Variants in EIF5 observed in about 807,000 individuals in gnomAD.
EIF5 encodes the protein eukaryotic translation initiation factor 5.
A neutral mutation model predicts 48.3 loss-of-function variants in EIF5; 10 were observed. The ratio of observed to expected loss-of-function variants is 0.21; its 90% CI spans 0.13 to 0.35. The LOEUF is 0.35. Among genes scored for constraint, EIF5 ranks in the 10% least tolerant of loss-of-function variants. The pLI is 1.00. For synonymous variants in EIF5, 237 were observed against 173.1 expected (o/e 1.37, Z -2.90); for missense variants, 397 against 533.2 (o/e 0.74, Z 2.51).
rs781423418 is a variant in EIF5, at chr14:103,335,855, G to A, written c.-6G>A. The stretch of plus-strand genomic sequence containing the variant: ...ATCTTATTGATAAAGCCACTAATAA[G>A]CCAAAATGTCTGTCAATGTCAACCG... On this transcript the variant is annotated 5_prime_UTR_variant, in exon 3 of 12. Transcript: ENST00000216554. 2 of 1,613,306 alleles carry A rather than the reference G, an allele frequency of 1.2e-6. No homozygotes were observed. The highest frequency in any genetic ancestry group is 1.7e-6 in the Non-Finnish European group (2 of 1,179,570).
In EIF5 at chr14:103,341,861, TTAA is replaced by T. The variant is rs1428020589; in HGVS notation, c.*813_*815del. On this transcript the variant is annotated 3_prime_UTR_variant, in exon 12 of 12. Coordinates refer to ENST00000216554, the MANE Select transcript of EIF5 (RefSeq NM_001969.5). Reference sequence around the variant, plus strand: ...TGAGAGAACTTGCTTTGGGGTGCAATTAATAAACTGATTTTATTTGGGAGAAAC... The same window carrying T: ...TGAGAGAACTTGCTTTGGGGTGCAATTAAACTGATTTTATTTGGGAGAAAC... 1 of 139,472 alleles carries T rather than the reference TTAA, an allele frequency of 7.2e-6. No individual in the cohort carries two copies. The highest frequency in any genetic ancestry group is 1.5e-5 in the Non-Finnish European group (1 of 64,760). 8.6% of individuals were successfully genotyped at this position (139,472 alleles called of 1,614,324 possible). A position where few individuals can be genotyped will look rare whatever the true frequency, so the allele number is the denominator to read the frequency against.
intron 10 of EIF5, 97 bp downstream of exon 10, chr14:103,339,900 C>T: frequency 7.3e-7 from 1 of 1,378,930 alleles, no homozygotes; most frequent in Non-Finnish European, 9.7e-7. Context: ...ATTCTGTTGT[C>T]CAGGCAGGAG....
At chr14:103,336,221 C>A (rs2089283889) in intron 4 of EIF5, 104 bp downstream of exon 4, 2 of 1,166,540 alleles carry the variant, frequency 1.7e-6, no homozygotes, top group Admixed American at 2.5e-5. Flanking sequence ...AATTACCTTA[C>A]AAGTTAAGTG....
intron 8 of EIF5, 98 bp from the exon 9 acceptor site, chr14:103,339,074 G>A (rs1168495353): frequency 2.0e-6 from 3 of 1,500,256 alleles, no homozygotes; most frequent in African/African-American, 2.8e-5. Context: ...GCCAAATTAG[G>A]CAGGAAAAAT....
At position 103,341,977 on chromosome 14, in the gene EIF5, A is replaced by C. The variant is rs1304900236; in HGVS notation, c.*925A>C. ...AAATTACAATTCCAAAATGTTAGAC[A>C]TACTGTATTTTTTCGTTCAGTGTGG... On this transcript the variant is annotated 3_prime_UTR_variant, in exon 12 of 12. Transcript: ENST00000216554. 6.6e-6 allele frequency: 1 copy of C among 152,596 alleles called. No homozygotes were observed. The highest frequency in any genetic ancestry group is 1.5e-5 in the Non-Finnish European group (1 of 68,032). 9.5% of individuals were successfully genotyped at this position (152,596 alleles called of 1,614,324 possible).
intron 6 of EIF5, chr14:103,338,113 T>C: frequency 1.4e-6 from 1 of 708,944 alleles, no homozygotes; most frequent in South Asian, 1.7e-5. Context: ...ATACCCCTAA[T>C]ATTTTGTGTC....
At position 103,339,674 on chromosome 14, in the gene EIF5, T is replaced by C. The variant is rs377276266; in HGVS notation, c.942T>C (p.Leu314=). 7.8e-5 allele frequency: 126 copies of C among 1,614,088 alleles called. No homozygotes were observed. Among genetic ancestry groups the C allele is most frequent in the African/African-American group, 9.3e-5 (7 of 74,928 alleles). Reference sequence around the variant, plus strand: ...ACAACAAAAAAGCCCAACGGTACCTTCTTCATGGTTTGGAGTGTGTGGTAG... The same window carrying C: ...ACAACAAAAAAGCCCAACGGTACCTCCTTCATGGTTTGGAGTGTGTGGTAG... ...CHNNKKAQRY[L]LHGLECVVAM... is the part of the protein sequence containing the mutation. The change falls in exon 10 of 12, where the codon CTT becomes CTC. Residue 314 remains leucine, a synonymous_variant. Transcript: ENST00000216554.
rs752020951 is a variant in EIF5, at chr14:103,339,712, C to T, written c.980C>T (p.Ala327Val). ...GAGTGTGTGGTAGCAATGCATCAAG[C>T]TCAGCTTATCTCCAAGATTCCACAT... Reference protein sequence around the residue: ...GLECVVAMHQAQLISKIPHIL... With the variant: ...GLECVVAMHQVQLISKIPHIL... Residue 327 changes from alanine (A) to valine (V), a missense_variant, in exon 10 of 12, where the codon GCT (alanine) becomes GTT (valine). Physicochemically the swap from Ala to Val is moderately conservative, Grantham distance 64. Around this residue, in one of 4 missense-constraint regions of EIF5, gnomAD observed 160 missense variants for 184.8 expected, o/e 0.87. Coordinates refer to ENST00000216554, the MANE Select transcript of EIF5 (RefSeq NM_001969.5). The T allele has an allele frequency of 1.2e-6, 2 of 1,614,218 alleles. No homozygotes were observed. Among genetic ancestry groups the T allele is most frequent in the Non-Finnish European group, 1.7e-6 (2 of 1,180,040 alleles).
intron 5 of EIF5, 91 bp from the exon 6 acceptor site, chr14:103,337,025 C>G (rs757135944): frequency 2.4e-4 from 323 of 1,372,308 alleles, no homozygotes; most frequent in Non-Finnish European, 2.7e-4. Context: ...AAAAAGTTTT[C>G]TTTGCATGTG....
intron 2 of EIF5, chr14:103,335,257 C>T (rs1012441940): frequency 1.3e-5 from 2 of 154,068 alleles, no homozygotes; most frequent in Non-Finnish European, 1.4e-5. Context: ...AAAATGAAGA[C>T]GAACGGGGGT....
At chr14:103,337,999 G>T in intron 6 of EIF5, 1 of 557,712 alleles carries the variant, frequency 1.8e-6, no homozygotes. Context: ...CTAAAGCTGG[G>T]TTGAGTTAAT....
At position 103,339,157 on chromosome 14, in the gene EIF5, T is replaced by A. The variant is rs759198737; in HGVS notation, c.745-15T>A. ...GTGCCTCCATTGCACTGAATTGTTT[T>A]CCTTTTCTTTGCAGAAAAAGAAAGA... On this transcript the variant is annotated splice_polypyrimidine_tract_variant and intron_variant, in intron 8 of 11. Transcript: ENST00000216554. The A allele has an allele frequency of 6.2e-7, 1 of 1,600,264 alleles. No individual in the cohort carries two copies. Among genetic ancestry groups the A allele is most frequent in the African/African-American group, 1.4e-5 (1 of 73,756 alleles).
Position 103,339,780 on chromosome 14 carries a change from G to A in EIF5, c.1048G>A (p.Val350Ile), listed in dbSNP as rs566823311. 186 of 1,614,180 alleles carry A rather than the reference G, an allele frequency of 1.2e-4. 1 individual carries two copies. In the South Asian group the frequency reaches 1.9e-3, roughly 16 times the overall value. The change falls in exon 10 of 12, where the codon GTC becomes ATC. Residue 350 changes from valine (V) to isoleucine (I), a missense_variant. Val to Ile is a conservative substitution (Grantham distance 29, BLOSUM62 3). This residue lies in a region of EIF5 where 160 missense variants were observed against 184.8 expected (regional missense o/e 0.87). Coordinates refer to ENST00000216554, the MANE Select transcript of EIF5 (RefSeq NM_001969.5). Reference sequence around the variant, plus strand: ...CGATGCAGACCTTTTAGAAGAAGAGGTCATCATCAGCTGGTCGGAAAAGGT... The same window carrying A: ...CGATGCAGACCTTTTAGAAGAAGAGATCATCATCAGCTGGTCGGAAAAGGT... The part of the protein sequence containing the change: ...MYDADLLEEE[V>I]IISWSEKASK...
Position 103,341,123 on chromosome 14 carries a change from C to CATGT in EIF5, c.*76_*79dup, listed in dbSNP as rs1191257656. The CATGT allele has an allele frequency of 1.5e-6, 2 of 1,378,964 alleles. No individual in the cohort carries two copies. Among genetic ancestry groups the CATGT allele is most frequent in the Non-Finnish European group, 2.1e-6 (2 of 970,076 alleles). The allele number at this position is 1,378,964 out of a possible 1,614,324, so 85.4% of individuals were successfully genotyped here. A position where few individuals can be genotyped will look rare whatever the true frequency, so the allele number is the denominator to read the frequency against. ...CCTCCATTATCAGCCAGAAGTGCAA[C>CATGT]ATGTATGTGCAAAAGCTAAAATGGC... On this transcript the variant is annotated 3_prime_UTR_variant, in exon 12 of 12. Coordinates refer to ENST00000216554, the MANE Select transcript of EIF5 (RefSeq NM_001969.5).
At position 103,336,306 on chromosome 14, in the gene EIF5, GC is replaced by G. The variant is rs750799355; in HGVS notation, c.154+190del. The stretch of plus-strand genomic sequence containing the variant: ...ACGCATTTAAAGAGTGGATGGCTGG[GC>G]GCGTTGGCTCACACCTGTAACCCCC... On this transcript the variant is annotated intron_variant, in intron 4 of 11. Coordinates refer to ENST00000216554, the MANE Select transcript of EIF5 (RefSeq NM_001969.5). 4.7e-5 allele frequency: 32 copies of G among 674,462 alleles called. 1 individual carries two copies. The highest frequency in any genetic ancestry group is 2.2e-4 in the African/African-American group (12 of 55,250). 41.8% of individuals were successfully genotyped at this position (674,462 alleles called of 1,614,324 possible).
At position 103,342,225 on chromosome 14, in the gene EIF5, CTT is replaced by C. The variant is rs2140364319; in HGVS notation, c.*1174_*1175del. 1 of 152,138 alleles carries C rather than the reference CTT, an allele frequency of 6.6e-6. No individual in the cohort carries two copies. The highest frequency in any genetic ancestry group is 2.1e-4 in the South Asian group (1 of 4,810). 9.4% of individuals were successfully genotyped at this position (152,138 alleles called of 1,614,324 possible). A position where few individuals can be genotyped will look rare whatever the true frequency, so the allele number is the denominator to read the frequency against. On this transcript the variant is annotated 3_prime_UTR_variant, in exon 12 of 12. Coordinates refer to ENST00000216554, the MANE Select transcript of EIF5 (RefSeq NM_001969.5). ...TCAGAGCCTCTATTTTGGTGTAAGA[CTT>C]GGGATATTTTTTACTTCACATTGAA...
At chr14:103,336,875 GAA>G (rs1566720767) in intron 5 of EIF5, 26 bp downstream of exon 5, 6 of 1,597,974 alleles carry the variant, frequency 3.8e-6, no homozygotes, top group Non-Finnish European at 5.1e-6. Context: ...GTTGTCGAAA[GAA>G]AAAGCCATAT....
chr14:103,335,638 C>T lies in EIF5; in HGVS notation c.-208-15C>T. 1 of 566,682 alleles carries T rather than the reference C, an allele frequency of 1.8e-6. No homozygotes were observed. The highest frequency in any genetic ancestry group is 2.9e-5 in the East Asian group (1 of 34,952). 35.1% of individuals were successfully genotyped at this position (566,682 alleles called of 1,614,324 possible). A position where few individuals can be genotyped will look rare whatever the true frequency, so the allele number is the denominator to read the frequency against. ...CTGGGGGGATTTTTGTGTGTTCTTT[C>T]CCTTTTTCTTTCAGAGCTGTTGCGC... On this transcript the variant is annotated splice_polypyrimidine_tract_variant and intron_variant, in intron 2 of 11. Transcript: ENST00000216554.
At chr14:103,337,292 G>A (rs1479267428) in intron 6 of EIF5, 65 bp downstream of exon 6, 5 of 1,402,446 alleles carry the variant, frequency 3.6e-6, no homozygotes, top group Non-Finnish European at 3.9e-6. Context: ...GAACAAAATA[G>A]AAGGTTTTTT....
Sources: gnomAD v4.1 joint callset for allele counts on GRCh38, gnomAD v4.1.1 for gene constraint, gnomAD v4.1.1 regional missense constraint, MANE v1.5 for transcripts, NCBI Gene and HGNC (gene_info 2026-07-23, HGNC 2026-07-21) for gene names.